Variants in DOCK3 observed in about 807,000 individuals in gnomAD.
DOCK3 encodes the protein dedicator of cytokinesis protein 3.
In DOCK3, 60 loss-of-function variants were observed where a neutral mutation model predicts 265.6. That is an observed-to-expected ratio of 0.23 (90% CI 0.18 to 0.28). The LOEUF (loss-of-function observed/expected upper bound fraction) is 0.28. Ranked by LOEUF, DOCK3 falls within the 10% of genes least tolerant of loss-of-function variation. The pLI, the probability that DOCK3 is intolerant of heterozygous loss-of-function variation, is 1.00. For synonymous variants in DOCK3, 881 were observed against 938.0 expected (o/e 0.94, Z 1.11); for missense variants, 1,981 against 2,594.3 (o/e 0.76, Z 5.14).
chr3:50,832,903 G>GTGA (rs2045276985), intron 2 of DOCK3, among the ~76,000 whole-genome samples: 1 of 152,142 alleles, frequency 6.6e-6, no homozygotes, highest in Admixed American at 6.6e-5. Context: ...TTCAACAAAG[G>GTGA]TGATATCTGG....
intron 3 of DOCK3, among the ~76,000 whole-genome samples, chr3:50,858,334 G>C (rs1161572102): frequency 6.6e-6 from 1 of 151,828 alleles, no homozygotes; most frequent in African/African-American, 2.4e-5. Context: ...TGTAAATGAC[G>C]AGTTGATGGG....
intron 3 of DOCK3, among the ~76,000 whole-genome samples, chr3:50,861,990 G>A (rs1007606687): frequency 3.3e-5 from 5 of 151,934 alleles, no homozygotes; most frequent in African/African-American, 9.7e-5. Context: ...TTGCTTTGCC[G>A]TCTCAATTGT....
At chr3:50,766,914 A>C (rs992120413) in intron 1 of DOCK3, among the ~76,000 whole-genome samples, 1 of 151,672 alleles carries the variant, frequency 6.6e-6, no homozygotes, top group Non-Finnish European at 1.5e-5. Flanking sequence ...GGCTGCATAC[A>C]TGTCTTCTTT....
chr3:50,710,373 C>A (rs909050329), intron 1 of DOCK3, among the ~76,000 whole-genome samples: 2 of 152,080 alleles, frequency 1.3e-5, no homozygotes, highest in African/African-American at 4.8e-5. Flanking sequence ...AAACAGTTCT[C>A]AAAAGACGAT....
At chr3:51,345,431 C>A (rs533408044) in intron 38 of DOCK3, among the ~76,000 whole-genome samples, 2 of 152,168 alleles carry the variant, frequency 1.3e-5, no homozygotes, top group South Asian at 4.2e-4. Flanking sequence ...GGTAACATAG[C>A]GAGACCCCAT....
intron 4 of DOCK3, among the ~76,000 whole-genome samples, chr3:50,911,996 G>C (rs542031970): frequency 3.3e-5 from 5 of 151,984 alleles, no homozygotes; most frequent in Non-Finnish European, 7.4e-5. Context: ...GTCTCTTGAA[G>C]TGCTACTGAT....
chr3:50,996,662 C>T (rs989335501), intron 5 of DOCK3, among the ~76,000 whole-genome samples: 29 of 152,036 alleles, frequency 1.9e-4, no homozygotes, highest in African/African-American at 6.3e-4. Context: ...GGGGGGAAAA[C>T]TGTGTAACGC....
intron 2 of DOCK3, among the ~76,000 whole-genome samples, chr3:50,809,424 C>G (rs1451169950): frequency 6.6e-6 from 1 of 152,194 alleles, no homozygotes; most frequent in Admixed American, 6.5e-5. Flanking sequence ...ATACCAAGTG[C>G]TAGTGAGAAT....
chr3:50,816,677 T>G (rs2044098101), intron 2 of DOCK3, among the ~76,000 whole-genome samples: 1 of 152,154 alleles, frequency 6.6e-6, no homozygotes, highest in Non-Finnish European at 1.5e-5. Context: ...AGTCTGTAAT[T>G]GATCATTTTT....
rs536681363 is a variant in DOCK3 at position 51,245,294 on chromosome 3, G to A, written c.2103-1432G>A. 7.9e-5 allele frequency among the ~76,000 whole-genome samples: 12 copies of A among 151,958 alleles called. No homozygotes were observed. In the South Asian group the frequency reaches 1.7e-3, roughly 21 times the overall value. The stretch of plus-strand genomic sequence containing the variant: ...GGAGGTTACAATGAGCCGAGGTCGC[G>A]TCACTGCACTCCAGTCTGAGCGATA... On this transcript the variant is annotated intron_variant, in intron 21 of 52. Coordinates refer to ENST00000266037, the MANE Select transcript of DOCK3 (RefSeq NM_004947.5).
rs1295048435 is a variant in DOCK3, at chr3:51,270,905, C to T, written c.2446C>T (p.Leu816=). ...QEVAEFVRGT[L]GSMPSTVHIG... ...GGTGGCAGAGTTTGTGAGAGGGACA[C>T]TGGGGAGCATGCCCAGCACTGTGCA... The change falls in exon 24 of 53, where the codon CTG becomes TTG. Residue 816 remains leucine (L), a synonymous_variant. Transcript: ENST00000266037. 3.7e-6 allele frequency: 6 copies of T among 1,613,936 alleles called. No individual in the cohort carries two copies. The highest frequency in any genetic ancestry group is 4.5e-5 in the East Asian group (2 of 44,900).
intron 14 of DOCK3, among the ~76,000 whole-genome samples, chr3:51,215,767 T>A (rs2089750979): frequency 6.6e-6 from 1 of 152,196 alleles, no homozygotes. Context: ...CTTCTACTCA[T>A]ACACACAGGA....
chr3:51,005,076 A>G (rs959310122), intron 5 of DOCK3, among the ~76,000 whole-genome samples: 2 of 152,074 alleles, frequency 1.3e-5, no homozygotes, highest in Admixed American at 1.3e-4. Context: ...ATGATGTCAT[A>G]TCATGCTATG....
intron 5 of DOCK3, among the ~76,000 whole-genome samples, chr3:51,048,992 C>T (rs1396833312): frequency 1.3e-5 from 2 of 152,128 alleles, no homozygotes; most frequent in Non-Finnish European, 1.5e-5. Context: ...CAAACAGTAG[C>T]AGGCTTTCGG....
chr3:51,067,121 G>A (rs894096584), intron 6 of DOCK3, among the ~76,000 whole-genome samples: 1 of 152,122 alleles, frequency 6.6e-6, no homozygotes, highest in Non-Finnish European at 1.5e-5. Context: ...ATTACTGTGT[G>A]CCAAGCAAAT....
At position 50,916,463 on chromosome 3, in the gene DOCK3, CAG is replaced by C. The variant is rs1174596939; in HGVS notation, c.219-17515_219-17514del. Among the ~76,000 whole-genome samples, 3 of 152,016 alleles carry C rather than the reference CAG, an allele frequency of 2.0e-5. No homozygotes were observed. In the East Asian group the frequency reaches 5.8e-4, roughly 29 times the overall value. On this transcript the variant is annotated intron_variant, in intron 4 of 52. Transcript: ENST00000266037. Reference sequence around the variant, plus strand: ...TACATGGCCAACTTTCTCTTCTCACCAGAGTTTGTATTGCTCCTTTGATGCAC... The same window carrying C: ...TACATGGCCAACTTTCTCTTCTCACCAGTTTGTATTGCTCCTTTGATGCAC...
chr3:51,333,438 G>C (rs2084661379), intron 35 of DOCK3, among the ~76,000 whole-genome samples, 185 bp downstream of exon 35: 1 of 152,094 alleles, frequency 6.6e-6, no homozygotes, highest in South Asian at 2.1e-4. Flanking sequence ...TTTTCCCAGG[G>C]GTAGGCTAGG....
chr3:51,337,162 A>G (rs964125404), intron 35 of DOCK3, among the ~76,000 whole-genome samples: 1 of 152,226 alleles, frequency 6.6e-6, no homozygotes, highest in Non-Finnish European at 1.5e-5. Context: ...CTTGGTTCCA[A>G]ACCTCTCAAA....
At chr3:50,880,107 G>A (rs1196525726) in intron 3 of DOCK3, among the ~76,000 whole-genome samples, 1 of 152,186 alleles carries the variant, frequency 6.6e-6, no homozygotes, top group East Asian at 1.9e-4. Flanking sequence ...CAACATACCA[G>A]AATCTCTGGA....
Sources: allele counts gnomAD v4.1 joint callset (sites outside exome capture counted in the v4.1 genomes callset), GRCh38; gene constraint gnomAD v4.1.1; transcripts MANE v1.5; gene names NCBI Gene and HGNC (gene_info 2026-07-23, HGNC 2026-07-21).